PTK2: variants seen among roughly 807,000 people sequenced by gnomAD.
The protein encoded by PTK2 is protein tyrosine kinase 2.
Under a neutral mutation model 150.1 loss-of-function variants are expected in PTK2, and 45 were observed. The observed-to-expected ratio is 0.30, with a 90% CI of 0.24 to 0.38. The LOEUF (loss-of-function observed/expected upper bound fraction) is 0.38. Among genes scored for constraint, PTK2 ranks in the 10% least tolerant of loss-of-function variants. PTK2 has a pLI of 1.00. For synonymous variants in PTK2, 432 were observed against 449.2 expected, an observed-to-expected ratio of 0.96 and a Z score of 0.48; for missense variants, 919 against 1,307.3, an observed-to-expected ratio of 0.70 and a Z score of 4.58.
intron 28 of PTK2, 46 bp from the exon 32 acceptor site, chr8:140,674,450 G>C: frequency 6.6e-7 from 1 of 1,513,742 alleles, no homozygotes; most frequent in South Asian, 1.2e-5. Context: ...CGTTAAGAAA[G>C]ATTAAGAGGC....
At chr8:140,812,846 TA>T (rs543701842) in intron 10 of PTK2, among the ~76,000 whole-genome samples, 1 of 152,070 alleles carries the variant, frequency 6.6e-6, no homozygotes, top group African/African-American at 2.4e-5. Context: ...CCTAAATATA[TA>T]AAAAAACCAA....
chr8:140,964,819 C>T lies in PTK2; in HGVS notation c.-122+36306G>A, dbSNP rs77888556. Among the ~76,000 whole-genome samples, 1,091 of 152,248 alleles carry T rather than the reference C, an allele frequency of 7.2e-3. 24 individuals carry two copies. The East Asian group carries it at 0.094, about 13-fold the overall frequency. ...ACAGAGATCTGCTATACATTCCTGG[C>T]ATCATTCCAGGAACAAAAATTCAAA... On this transcript the variant is annotated intron_variant, in intron 1 of 31. Coordinates refer to ENST00000522684, the Ensembl canonical transcript of PTK2.
intron 1 of PTK2, among the ~76,000 whole-genome samples, chr8:140,961,619 G>A (rs1362914942): frequency 1.3e-5 from 2 of 150,540 alleles, no homozygotes; most frequent in Non-Finnish European, 3.0e-5. Flanking sequence ...CCAAGGTCGC[G>A]CCACTGGTCT....
At chr8:140,932,409 T>TAA (rs1484874141) in intron 1 of PTK2, among the ~76,000 whole-genome samples, 1 of 151,676 alleles carries the variant, frequency 6.6e-6, no homozygotes, top group Non-Finnish European at 1.5e-5. Flanking sequence ...AGAGAGGGGG[T>TAA]TTCACCATCT....
At chr8:140,854,530 G>A (rs2100131334) in intron 5 of PTK2, among the ~76,000 whole-genome samples, 1 of 152,104 alleles carries the variant, frequency 6.6e-6, no homozygotes, top group Admixed American at 6.5e-5. Context: ...TTCCTCATGA[G>A]TCATTAGCTT....
intron 3 of PTK2, among the ~76,000 whole-genome samples, chr8:140,883,258 C>T (rs929319278): frequency 3.3e-5 from 5 of 152,212 alleles, no homozygotes; most frequent in South Asian, 2.1e-4. Context: ...GACACAATAA[C>T]GGTTAAGATG....
chr8:140,959,781 C>T (rs2100182479), intron 1 of PTK2, among the ~76,000 whole-genome samples: 1 of 151,912 alleles, frequency 6.6e-6, no homozygotes, highest in Non-Finnish European at 1.5e-5. Flanking sequence ...CAGCCTGAGC[C>T]CAGGAGTTCA....
chr8:140,662,470 T>C (rs2081960297), intron 31 of PTK2, among the ~76,000 whole-genome samples: 1 of 152,166 alleles, frequency 6.6e-6, no homozygotes, highest in African/African-American at 2.4e-5. Context: ...CTCTAGCATA[T>C]GGAACTTCTC....
In PTK2 at chr8:140,701,030, A is replaced by G. The variant is rs1411443661; in HGVS notation, c.2368-8T>C. The G allele has an allele frequency of 1.9e-6, 3 of 1,612,532 alleles. No homozygotes were observed. Among genetic ancestry groups the G allele is most frequent in the Non-Finnish European group, 2.5e-6 (3 of 1,179,258 alleles). On this transcript the variant is annotated splice_region_variant and splice_polypyrimidine_tract_variant and intron_variant, in intron 25 of 31. Coordinates refer to ENST00000522684, the Ensembl canonical transcript of PTK2. Reference sequence around the variant, plus strand: ...GTCCAATACTGTAGAGTCCTGGAAGAAGGGTTGAAAACAGCATATTCAGTC... The same window carrying G: ...GTCCAATACTGTAGAGTCCTGGAAGGAGGGTTGAAAACAGCATATTCAGTC...
chr8:140,661,308 C>T (rs879708487), intron 31 of PTK2, among the ~76,000 whole-genome samples: 2 of 152,138 alleles, frequency 1.3e-5, no homozygotes, highest in African/African-American at 2.4e-5. Flanking sequence ...GGCAGATAAA[C>T]CATCTAAGAG....
At chr8:140,897,466 T>C (rs2100156764) in intron 2 of PTK2, among the ~76,000 whole-genome samples, 1 of 152,252 alleles carries the variant, frequency 6.6e-6, no homozygotes, top group Non-Finnish European at 1.5e-5. Context: ...ATGCAATATA[T>C]TTGCCATCAG....
At chr8:140,769,634 C>G in intron 14 of PTK2, 42 bp from the exon 16 acceptor site, 1 of 1,319,592 alleles carries the variant, frequency 7.6e-7, no homozygotes, top group Non-Finnish European at 1.0e-6. Flanking sequence ...AAGTAGGGAA[C>G]AGAGGGAGGG....
At chr8:140,733,181 A>G (rs2100050567) in intron 22 of PTK2, among the ~76,000 whole-genome samples, 1 of 152,200 alleles carries the variant, frequency 6.6e-6, no homozygotes, top group Non-Finnish European at 1.5e-5. Flanking sequence ...GCATGACTCC[A>G]AGATGGTGCC....
rs377185701 is a variant in PTK2 at position 140,974,931 on chromosome 8, A to G, written c.-122+26194T>C. ...TCACCAAAGAAAAAATCTGGAAGCC[A>G]TCCTGGAATTACGCTGGATTCCTTC... On this transcript the variant is annotated intron_variant, in intron 1 of 31. Coordinates refer to ENST00000522684, the Ensembl canonical transcript of PTK2. Among the ~76,000 whole-genome samples, 680 of 152,312 alleles carry G rather than the reference A, an allele frequency of 4.5e-3. 3 individuals carry two copies. Among genetic ancestry groups the G allele is most frequent in the South Asian group, 0.029 (138 of 4,824 alleles).
chr8:140,729,656 T>C (rs568413647), intron 22 of PTK2, among the ~76,000 whole-genome samples: 3 of 152,310 alleles, frequency 2.0e-5, no homozygotes, highest in East Asian at 3.9e-4. Context: ...TTCTCTGTAA[T>C]AGTATTTTTT....
chr8:140,851,838 G>T (rs1397239280), intron 5 of PTK2, among the ~76,000 whole-genome samples: 1 of 133,914 alleles, frequency 7.5e-6, no homozygotes, highest in Non-Finnish European at 1.6e-5. Context: ...CAGCGTGGGT[G>T]ACAGAGAGAG....
intron 1 of PTK2, among the ~76,000 whole-genome samples, chr8:140,929,519 T>C (rs2100170952): frequency 6.6e-6 from 1 of 152,068 alleles, no homozygotes; most frequent in Non-Finnish European, 1.5e-5. Flanking sequence ...GTCCCCCTAA[T>C]AAACTTGGAG....
intron 22 of PTK2, among the ~76,000 whole-genome samples, chr8:140,734,005 T>C (rs2100051106): frequency 6.6e-6 from 1 of 152,186 alleles, no homozygotes; most frequent in Non-Finnish European, 1.5e-5. Context: ...CAAAGGTGCT[T>C]AGCAAACATT....
At chr8:140,902,569 CCCA>C (rs1423605434) in intron 2 of PTK2, among the ~76,000 whole-genome samples, 3 of 152,300 alleles carry the variant, frequency 2.0e-5, no homozygotes, top group South Asian at 2.1e-4. Flanking sequence ...AATTTACACT[CCCA>C]CCAACAGTGT....
Sources: gnomAD v4.1 joint callset for allele counts (sites outside exome capture counted in the v4.1 genomes callset) on GRCh38, gnomAD v4.1.1 for gene constraint, MANE v1.5 for transcripts, NCBI Gene and HGNC (gene_info 2026-07-23, HGNC 2026-07-21) for gene names.